CCNB3: variants seen among roughly 807,000 people sequenced by gnomAD.
CCNB3 encodes the protein cyclin B3.
CCNB3 carries 12 observed loss-of-function variants against 68.0 expected under a neutral mutation model. The observed-to-expected ratio is 0.18, with a 90% CI of 0.11 to 0.29. CCNB3 has a LOEUF of 0.29. Among genes scored for constraint, CCNB3 ranks in the 10% least tolerant of loss-of-function variants. CCNB3 has a pLI of 1.00. For synonymous variants in CCNB3, 354 were observed against 388.9 expected, an observed-to-expected ratio of 0.91 and a Z score of 1.06; for missense variants, 904 against 993.1, an observed-to-expected ratio of 0.91 and a Z score of 1.21.
chrX:50,294,017 T>C (rs781871768), intron 4 of CCNB3, among the ~76,000 whole-genome samples: 1 of 111,612 alleles, frequency 9.0e-6, no homozygotes, highest in East Asian at 2.8e-4. Context: ...CTCACTGTAG[T>C]CTCAACCTCC....
At chrX:50,328,794 T>G (rs1214704145) in intron 8 of CCNB3, among the ~76,000 whole-genome samples, 1 of 112,003 alleles carries the variant, frequency 8.9e-6, no homozygotes, top group Non-Finnish European at 1.9e-5. Context: ...AACAAGTTAT[T>G]TACTTCCAAG....
chrX:50,349,885 C>T (rs1923579363), intron 11 of CCNB3, among the ~76,000 whole-genome samples: 1 of 111,527 alleles, frequency 9.0e-6, no homozygotes, highest in Non-Finnish European at 1.9e-5. Flanking sequence ...TTTGAGGAAA[C>T]CACTGACTTA....
At chrX:50,303,454 T>G (rs1557213048) in intron 5 of CCNB3, among the ~76,000 whole-genome samples, 1 of 100,443 alleles carries the variant, frequency 1.0e-5, no homozygotes, top group Non-Finnish European at 2.0e-5. Context: ...CTGGCAGTGT[T>G]TTTTTTTTTT....
chrX:50,350,869 A>AT (rs1342155242), intron 11 of CCNB3, among the ~76,000 whole-genome samples: 6 of 108,823 alleles, frequency 5.5e-5, no homozygotes, highest in African/African-American at 1.0e-4. Flanking sequence ...ATAATTTAAA[A>AT]TTTTTTTAAA....
chrX:50,341,853 G>A (rs1298504678), intron 8 of CCNB3: 3 of 166,881 alleles, frequency 1.8e-5, no homozygotes, highest in Non-Finnish European at 3.3e-5. Context: ...CCTTTGGGAG[G>A]TCACTGTACA....
chrX:50,344,967 T>G (rs1453402913), intron 9 of CCNB3, among the ~76,000 whole-genome samples: 1 of 110,645 alleles, frequency 9.0e-6, no homozygotes, highest in Non-Finnish European at 1.9e-5. Context: ...TTCAAAGAAC[T>G]TTAGAACTGT....
intron 5 of CCNB3, among the ~76,000 whole-genome samples, chrX:50,302,332 C>T (rs1362846682): frequency 2.7e-5 from 3 of 112,241 alleles, no homozygotes; most frequent in Admixed American, 9.4e-5. Flanking sequence ...ACATTCTTCT[C>T]TTCACTCAGG....
At chrX:50,326,032 A>G (rs1489667059) in intron 8 of CCNB3, among the ~76,000 whole-genome samples, 1 of 111,839 alleles carries the variant, frequency 8.9e-6, no homozygotes, top group African/African-American at 3.2e-5. Context: ...TATGCTGTAC[A>G]CATTGCTTTG....
At chrX:50,226,770 GAATA>G (rs1935836698) in intron 1 of CCNB3, among the ~76,000 whole-genome samples, 1 of 76,182 alleles carries the variant, frequency 1.3e-5, no homozygotes, top group African/African-American at 5.3e-5. Flanking sequence ...TATGTACATA[GAATA>G]TATATATGAA....
chrX:50,317,521 ATGTG>A (rs1285378433), intron 8 of CCNB3, among the ~76,000 whole-genome samples: 1 of 100,476 alleles, frequency 1.0e-5, no homozygotes, highest in Admixed American at 1.1e-4. Flanking sequence ...TCTCATGTGT[ATGTG>A]TGTGTGTGTA....
chrX:50,217,445 T>A, intron 1 of CCNB3, among the ~76,000 whole-genome samples: 1 of 109,299 alleles, frequency 9.1e-6, no homozygotes, highest in Middle Eastern at 4.6e-3. Context: ...GCTAATTTTT[T>A]GTATTTTTAG....
chrX:50,305,290 T>C (rs1478663953), intron 5 of CCNB3, among the ~76,000 whole-genome samples: 46 of 111,699 alleles, frequency 4.1e-4, no homozygotes, highest in Admixed American at 9.5e-5. Flanking sequence ...ATTAAGAAAA[T>C]GTGGCATATA....
At position 50,310,839 on chromosome X, in the gene CCNB3, C is replaced by T; in HGVS notation, c.2670C>T (p.Thr890=). The change falls in exon 6 of 13, where the codon ACC becomes ACT. Residue 890 remains threonine (T), a synonymous_variant. Coordinates refer to ENST00000376042, the MANE Select transcript of CCNB3 (RefSeq NM_033031.3). ...AGAAGCCCAGCACTGAGAAGGAGAC[C>T]ATCTTCAAGGAGTCTTTGGACTTGC... ...LWEKPSTEKE[T]IFKESLDLQE... 8.3e-7 allele frequency: 1 copy of T among 1,211,748 alleles called. No individual in the cohort carries two copies. Among genetic ancestry groups the T allele is most frequent in the Non-Finnish European group, 1.1e-6 (1 of 895,500 alleles).
chrX:50,207,292 C>G (rs1451984402), intron 1 of CCNB3, among the ~76,000 whole-genome samples: 1 of 111,327 alleles, frequency 9.0e-6, no homozygotes, highest in Non-Finnish European at 1.9e-5. Context: ...AGAGTGGACT[C>G]AATCATTTGT....
intron 8 of CCNB3, among the ~76,000 whole-genome samples, chrX:50,319,546 T>C (rs1187106103): frequency 9.0e-6 from 1 of 111,470 alleles, no homozygotes; most frequent in Non-Finnish European, 1.9e-5. Context: ...AATTGAATCA[T>C]CTGCAAATGG....
At chrX:50,226,126 GAT>G (rs1246978799) in intron 1 of CCNB3, among the ~76,000 whole-genome samples, 10 of 67,490 alleles carry the variant, frequency 1.5e-4, no homozygotes, top group African/African-American at 4.0e-4. Context: ...ATATATATTC[GAT>G]ATATATAAAT....
intron 7 of CCNB3, among the ~76,000 whole-genome samples, chrX:50,313,539 A>G (rs1921574632): frequency 8.9e-6 from 1 of 112,168 alleles, no homozygotes; most frequent in South Asian, 3.7e-4. Flanking sequence ...ACTGCTCTAC[A>G]TAGCATGGTA....
At chrX:50,283,734 G>A (rs1000915852) in intron 1 of CCNB3, among the ~76,000 whole-genome samples, 21 of 110,627 alleles carry the variant, frequency 1.9e-4, no homozygotes, top group Non-Finnish European at 3.4e-4. Flanking sequence ...GCCTGGGCTC[G>A]GCTTTCTTTG....
At chrX:50,311,931 T>A in intron 6 of CCNB3, among the ~76,000 whole-genome samples, 2 of 110,720 alleles carry the variant, frequency 1.8e-5, no homozygotes, top group Non-Finnish European at 3.8e-5. Flanking sequence ...GCTATATACT[T>A]GGGCTTTGCA....
Sources: allele counts gnomAD v4.1 joint callset (sites outside exome capture counted in the v4.1 genomes callset), GRCh38; gene constraint gnomAD v4.1.1; transcripts MANE v1.5; gene names NCBI Gene and HGNC (gene_info 2026-07-23, HGNC 2026-07-21).